The following CCDC171 variants were observed in gnomAD, a reference collection of about 807,000 sequenced individuals.
The protein encoded by CCDC171 is coiled-coil domain-containing protein 171.
CCDC171 carries 177 observed loss-of-function variants against 168.2 expected under a neutral mutation model. That is an observed-to-expected ratio of 1.05 (90% CI 0.93 to 1.19). The LOEUF (loss-of-function observed/expected upper bound fraction) is 1.19. Ranked by LOEUF, CCDC171 falls within the 50% of genes most tolerant of loss-of-function variation. The pLI, the probability that CCDC171 is intolerant of heterozygous loss-of-function variation, is 0.00. For missense variants in CCDC171, 1,991 were observed against 1,539.0 expected (o/e 1.29, Z -4.91); for synonymous variants, 687 against 540.8 (o/e 1.27, Z -3.75).
intron 25 of CCDC171, among the ~76,000 whole-genome samples, chr9:15,926,397 C>T (rs910065841): frequency 6.6e-6 from 1 of 151,708 alleles, no homozygotes; most frequent in Non-Finnish European, 1.5e-5. Flanking sequence ...TCATTCCAAA[C>T]CTTACCTTCA....
chr9:15,951,203 T>C (rs1829119092), intron 25 of CCDC171, among the ~76,000 whole-genome samples: 1 of 150,146 alleles, frequency 6.7e-6, no homozygotes, highest in Admixed American at 6.7e-5. Context: ...CTGTCAACAT[T>C]GGACAGATCA....
chr9:15,778,104 T>C (rs2057433425), intron 19 of CCDC171, among the ~76,000 whole-genome samples: 1 of 147,304 alleles, frequency 6.8e-6, no homozygotes, highest in African/African-American at 2.5e-5. Context: ...GAGACCATCC[T>C]GGCTAACAAG....
At chr9:15,595,168 T>G (rs535451491) in intron 6 of CCDC171, among the ~76,000 whole-genome samples, 3 of 152,180 alleles carry the variant, frequency 2.0e-5, no homozygotes, top group Non-Finnish European at 4.4e-5. Flanking sequence ...TTAATTATAC[T>G]TTAAGTTTTA....
chr9:15,597,389 A>AT (rs1342657755), intron 6 of CCDC171, among the ~76,000 whole-genome samples: 4 of 152,184 alleles, frequency 2.6e-5, no homozygotes, highest in Non-Finnish European at 5.9e-5. Context: ...CCTTTTCTGC[A>AT]TTTATTGAGA....
At chr9:16,073,128 G>T in the CCDC171 span, among the ~76,000 whole-genome samples, 1 of 152,194 alleles carries the variant, frequency 6.6e-6, no homozygotes, top group Admixed American at 6.5e-5. Context: ...TGGTTGCATA[G>T]ATTGGAACTG....
chr9:15,827,618 C>G (rs1417686672), intron 21 of CCDC171, among the ~76,000 whole-genome samples: 1 of 152,146 alleles, frequency 6.6e-6, no homozygotes, highest in East Asian at 1.9e-4. Context: ...AATGCCATAT[C>G]TTTCCTTATA....
intron 18 of CCDC171, among the ~76,000 whole-genome samples, chr9:15,774,659 T>A (rs1302631146): frequency 1.3e-5 from 2 of 152,220 alleles, no homozygotes; most frequent in Non-Finnish European, 2.9e-5. Context: ...TGCACACGCA[T>A]GTTGATAGCA....
intron 23 of CCDC171, among the ~76,000 whole-genome samples, chr9:15,850,792 C>G (rs1361607): frequency 6.6e-6 from 1 of 151,682 alleles, no homozygotes; most frequent in Non-Finnish European, 1.5e-5. Flanking sequence ...CCTTGGACTT[C>G]CCATTGGCAT....
intron 9 of CCDC171, among the ~76,000 whole-genome samples, chr9:15,669,808 T>C (rs1051438136): frequency 6.6e-6 from 1 of 152,122 alleles, no homozygotes; most frequent in Non-Finnish European, 1.5e-5. Context: ...TTTATTTTTC[T>C]AAATATATCA....
chr9:15,787,674 T>C (rs1292525945), intron 21 of CCDC171, among the ~76,000 whole-genome samples: 3 of 152,214 alleles, frequency 2.0e-5, no homozygotes, highest in Non-Finnish European at 4.4e-5. Context: ...AGAAACCACA[T>C]ACATTAAAAA....
chr9:15,779,202 A>C (rs2057521053), intron 20 of CCDC171, 52 bp downstream of exon 20: 1 of 1,059,020 alleles, frequency 9.4e-7, no homozygotes, highest in African/African-American at 1.6e-5. Context: ...ATATTTCTTT[A>C]TCTCTATATC....
At position 15,778,653 on chromosome 9, in the gene CCDC171, A is replaced by AC. The variant is rs1419147021; in HGVS notation, c.2899-315_2899-314insC. On this transcript the variant is annotated intron_variant, in intron 19 of 25. Transcript: ENST00000380701. The stretch of plus-strand genomic sequence containing the variant: ...AGAGTAAGACTGTCTCAAAAAAAAA[A>AC]AAAAAAAAAAAAGGCATGACATTAG... Among the ~76,000 whole-genome samples the AC allele has an allele frequency of 1.0e-4, 15 of 149,768 alleles. 1 individual carries two copies. The highest frequency in any genetic ancestry group is 2.1e-4 in the Non-Finnish European group (14 of 67,264).
rs1325409651 is a variant in CCDC171 at position 15,846,844 on chromosome 9, C to G, written c.3410C>G (p.Ala1137Gly). The G allele has an allele frequency of 1.1e-5, 17 of 1,603,792 alleles. No homozygotes were observed. The highest frequency in any genetic ancestry group is 1.4e-5 in the Non-Finnish European group (16 of 1,174,412). Residue 1137 changes from alanine to glycine, a missense_variant, in exon 22 of 26, where the codon GCC becomes GGC. Coordinates refer to ENST00000380701, the MANE Select transcript of CCDC171 (RefSeq NM_173550.4). Reference sequence around the variant, plus strand: ...GCAGAGAGTGCCCTCCGCATGGCAGCCAAGTGAGCATTTGGACCTTGGGGA... The same window carrying G: ...GCAGAGAGTGCCCTCCGCATGGCAGGCAAGTGAGCATTTGGACCTTGGGGA... ...HDAESALRMA[A>G]KDKECVANHM...
At chr9:15,610,290 A>G (rs2043554823) in intron 6 of CCDC171, among the ~76,000 whole-genome samples, 1 of 150,128 alleles carries the variant, frequency 6.7e-6, no homozygotes, top group Non-Finnish European at 1.5e-5. Context: ...CAGTGGCTCG[A>G]TCATGGCTCA....
At chr9:15,859,567 T>TTAA (rs775703865) in intron 23 of CCDC171, among the ~76,000 whole-genome samples, 1 of 151,992 alleles carries the variant, frequency 6.6e-6, no homozygotes, top group East Asian at 1.9e-4. Context: ...CTCCTTACTA[T>TTAA]TGTTCAAGAT....
intron 3 of CCDC171, among the ~76,000 whole-genome samples, chr9:15,982,343 C>T (rs746322928): frequency 1.3e-5 from 2 of 152,140 alleles, no homozygotes; most frequent in Non-Finnish European, 2.9e-5. Flanking sequence ...GTTATTTAAC[C>T]TCGTGAACCT....
chr9:15,776,018 T>C (rs1207806522), intron 18 of CCDC171, among the ~76,000 whole-genome samples: 1 of 152,216 alleles, frequency 6.6e-6, no homozygotes, highest in Non-Finnish European at 1.5e-5. Flanking sequence ...TAAATTTTAC[T>C]GTTCTTTCAT....
chr9:15,566,420 G>A (rs1038245165), intron 2 of CCDC171, among the ~76,000 whole-genome samples: 3 of 152,108 alleles, frequency 2.0e-5, no homozygotes, highest in African/African-American at 4.8e-5. Flanking sequence ...TTAGCCAGGC[G>A]TGGTGGTGTG....
chr9:16,008,504 C>G (rs1277025910), intron 3 of CCDC171, among the ~76,000 whole-genome samples: 1 of 152,118 alleles, frequency 6.6e-6, no homozygotes, highest in Non-Finnish European at 1.5e-5. Flanking sequence ...ATGTTTTTTT[C>G]CAACTGTTTC....
Sources: gnomAD v4.1 joint callset for allele counts (sites outside exome capture counted in the v4.1 genomes callset) on GRCh38, gnomAD v4.1.1 for gene constraint, MANE v1.5 for transcripts, NCBI Gene and HGNC (gene_info 2026-07-23, HGNC 2026-07-21) for gene names.